TASP1: variants seen among roughly 807,000 people sequenced by gnomAD.
TASP1 encodes threonine aspartase 1.
Under a neutral mutation model 56.6 loss-of-function variants are expected in TASP1, and 16 were observed. The ratio of observed to expected loss-of-function variants is 0.28; its 90% CI spans 0.19 to 0.43. The LOEUF is 0.43. TASP1 is among the 20% of genes least tolerant of loss of function. The pLI is 1.00. For missense variants in TASP1, 393 were observed against 511.6 expected (o/e 0.77, Z 2.24); for synonymous variants, 179 against 184.2 (o/e 0.97, Z 0.23).
At chr20:13,528,605 TTAA>T (rs2045086115) in intron 9 of TASP1, 94 bp from the exon 10 acceptor site, 3 of 1,091,574 alleles carry the variant, frequency 2.7e-6, no homozygotes, top group Non-Finnish European at 3.9e-6. Flanking sequence ...AAAGCCTGGT[TTAA>T]TAATGATGTA....
the TASP1 span, among the ~76,000 whole-genome samples, chr20:13,322,369 A>G: frequency 3.3e-5 from 5 of 152,194 alleles, no homozygotes; most frequent in African/African-American, 9.6e-5. Flanking sequence ...TTCTTGGCTA[A>G]GGAACCCAGT....
At chr20:13,434,795 G>C (rs1350006578) in intron 12 of TASP1, among the ~76,000 whole-genome samples, 7 of 152,070 alleles carry the variant, frequency 4.6e-5, no homozygotes. Flanking sequence ...CTTAATACTG[G>C]ACTTTAGTAA....
chr20:13,232,549 G>A, the TASP1 span, among the ~76,000 whole-genome samples: 1 of 152,146 alleles, frequency 6.6e-6, no homozygotes, highest in Non-Finnish European at 1.5e-5. Context: ...ACCCATTTAG[G>A]TTATTTCCTA....
At chr20:13,381,128 A>G in the TASP1 span, among the ~76,000 whole-genome samples, 1 of 152,082 alleles carries the variant, frequency 6.6e-6, no homozygotes, top group African/African-American at 2.4e-5. Flanking sequence ...GGGTGTGGAA[A>G]AAAACTCCTG....
At chr20:13,113,869 G>A in the TASP1 span, among the ~76,000 whole-genome samples, 1 of 152,190 alleles carries the variant, frequency 6.6e-6, no homozygotes, top group African/African-American at 2.4e-5. Flanking sequence ...GAAAGTGGCT[G>A]TTAGAGAAAG....
the TASP1 span, among the ~76,000 whole-genome samples, chr20:13,335,856 G>T: frequency 6.6e-6 from 1 of 152,100 alleles, no homozygotes; most frequent in Non-Finnish European, 1.5e-5. Context: ...ACCTCCAAGA[G>T]AAGTTGGAGG....
the TASP1 span, among the ~76,000 whole-genome samples, chr20:13,364,921 T>A: frequency 2.1e-5 from 3 of 142,820 alleles, no homozygotes; most frequent in South Asian, 4.2e-4. Flanking sequence ...CATTGAACTA[T>A]TTTTTTTTTT....
At chr20:13,293,026 C>T in the TASP1 span, among the ~76,000 whole-genome samples, 1 of 151,828 alleles carries the variant, frequency 6.6e-6, no homozygotes, top group East Asian at 1.9e-4. Flanking sequence ...GAAACCCCCC[C>T]GTCTCTACTA....
chr20:13,233,339 T>C, the TASP1 span, among the ~76,000 whole-genome samples: 1 of 152,098 alleles, frequency 6.6e-6, no homozygotes, highest in Non-Finnish European at 1.5e-5. Context: ...CTCATGCCTG[T>C]AATCCTAGCA....
chr20:13,368,451 T>C, the TASP1 span: 6 of 152,334 alleles, frequency 3.9e-5, no homozygotes, highest in East Asian at 7.7e-4. Context: ...ATAGGTCAAA[T>C]GAGACATCAA....
At chr20:13,248,231 A>G in the TASP1 span, among the ~76,000 whole-genome samples, 5 of 152,156 alleles carry the variant, frequency 3.3e-5, no homozygotes, top group African/African-American at 9.7e-5. Context: ...ATTCTTCTTT[A>G]TGAACATTTC....
chr20:13,493,534 C>T (rs1023599995), intron 10 of TASP1, among the ~76,000 whole-genome samples: 3 of 152,138 alleles, frequency 2.0e-5, no homozygotes, highest in African/African-American at 7.2e-5. Flanking sequence ...CTTTGGATTC[C>T]TGCACTTACA....
chr20:13,391,188 A>G (rs1461745890), intron 13 of TASP1, among the ~76,000 whole-genome samples: 2 of 152,200 alleles, frequency 1.3e-5, no homozygotes, highest in African/African-American at 4.8e-5. Context: ...CATTTCTCCT[A>G]TAGTCTTTGT....
chr20:13,274,713 A>G, the TASP1 span, among the ~76,000 whole-genome samples: 3 of 141,474 alleles, frequency 2.1e-5, no homozygotes, highest in African/African-American at 7.8e-5. Flanking sequence ...CTTTCAGGAT[A>G]GGAAATCCTT....
the TASP1 span, chr20:13,160,166 C>G: frequency 6.3e-7 from 1 of 1,583,714 alleles, no homozygotes; most frequent in South Asian, 1.2e-5. Flanking sequence ...GATCTCAGTA[C>G]CAGTACCTTG....
chr20:13,286,677 A>G, the TASP1 span, among the ~76,000 whole-genome samples: 1 of 152,184 alleles, frequency 6.6e-6, no homozygotes, highest in Non-Finnish European at 1.5e-5. Context: ...CGCTCCTCCA[A>G]TTCCACTTAG....
intron 11 of TASP1, among the ~76,000 whole-genome samples, chr20:13,473,789 T>C (rs943861210): frequency 6.6e-6 from 1 of 152,178 alleles, no homozygotes. Context: ...AGTTTAACTA[T>C]GGGCCAGGCA....
At chr20:13,300,986 G>A in the TASP1 span, among the ~76,000 whole-genome samples, 1 of 152,208 alleles carries the variant, frequency 6.6e-6, no homozygotes, top group Non-Finnish European at 1.5e-5. Context: ...TACTCATCAT[G>A]AAAAGTATTC....
the TASP1 span, among the ~76,000 whole-genome samples, chr20:13,320,377 G>C: frequency 6.6e-6 from 1 of 151,868 alleles, no homozygotes; most frequent in Non-Finnish European, 1.5e-5. Flanking sequence ...TTCACACTGT[G>C]CTTGCAAACC....
Sources: allele counts gnomAD v4.1 joint callset (sites outside exome capture counted in the v4.1 genomes callset), GRCh38; gene constraint gnomAD v4.1.1; transcripts MANE v1.5; gene names NCBI Gene and HGNC (gene_info 2026-07-23, HGNC 2026-07-21).